Variants in TBC1D19 observed in about 807,000 individuals in gnomAD.
TBC1D19 encodes the protein TBC1 domain family member 19.
A neutral mutation model predicts 89.0 loss-of-function variants in TBC1D19; 60 were observed. The ratio of observed to expected loss-of-function variants is 0.67; its 90% CI spans 0.55 to 0.84. The LOEUF (loss-of-function observed/expected upper bound fraction) is 0.84, where lower values mean the gene tolerates loss of function less well. Ranked by LOEUF, TBC1D19 falls within the 40% of genes least tolerant of loss-of-function variation. The probability of loss-of-function intolerance (pLI) is 0.00; values close to 1 mark genes in which losing one functional copy is unlikely to be tolerated. For missense variants in TBC1D19, 500 were observed against 610.8 expected (o/e 0.82, Z 1.91); for synonymous variants, 189 against 199.7 (o/e 0.95, Z 0.45).
In TBC1D19 at chr4:26,754,827, T is replaced by C. The variant is rs376619417; in HGVS notation, c.1507-46T>C. 46 of 1,461,658 alleles carry C rather than the reference T, an allele frequency of 3.1e-5. No homozygotes were observed. The African/African-American group carries it at 5.2e-4, about 16-fold the overall frequency. The allele number at this position is 1,461,658 out of a possible 1,614,324, so 90.5% of individuals were successfully genotyped here. On this transcript the variant is annotated intron_variant, in intron 20 of 20. Transcript: ENST00000264866. ...TTGTAATTATGTTTACCTTATTTCA[T>C]AGACTTCGCTTTGCTATTAATAATT...
the TBC1D19 span, among the ~76,000 whole-genome samples, chr4:26,819,547 TG>T: frequency 6.6e-6 from 1 of 152,240 alleles, no homozygotes; most frequent in Non-Finnish European, 1.5e-5. Context: ...TCCCAGATGA[TG>T]GCAACAGCCA....
the TBC1D19 span, among the ~76,000 whole-genome samples, chr4:26,800,126 A>G: frequency 1.3e-5 from 2 of 152,106 alleles, no homozygotes; most frequent in Non-Finnish European, 2.9e-5. Context: ...ATTTAGCATT[A>G]GGTATATCTC....
chr4:26,681,391 A>G (rs1202318966), intron 11 of TBC1D19, among the ~76,000 whole-genome samples: 2 of 140,890 alleles, frequency 1.4e-5, no homozygotes, highest in Non-Finnish European at 1.5e-5. Flanking sequence ...TACAAAAAAC[A>G]AAAAAAAAAA....
the TBC1D19 span, among the ~76,000 whole-genome samples, chr4:26,844,719 T>C: frequency 6.6e-6 from 1 of 152,230 alleles, no homozygotes; most frequent in African/African-American, 2.4e-5. Flanking sequence ...TTAAATATTT[T>C]CCTGTTTTTT....
chr4:26,633,425 G>A (rs1475470165), intron 4 of TBC1D19, among the ~76,000 whole-genome samples: 2 of 152,086 alleles, frequency 1.3e-5, no homozygotes, highest in African/African-American at 4.8e-5. Flanking sequence ...TTTAAAAACA[G>A]TCCTTTACTG....
At chr4:26,839,147 A>G in the TBC1D19 span, among the ~76,000 whole-genome samples, 1 of 152,228 alleles carries the variant, frequency 6.6e-6, no homozygotes, top group Non-Finnish European at 1.5e-5. Flanking sequence ...TTTTCAGAAT[A>G]GCTCCTAAAC....
chr4:26,611,862 G>A (rs891138552), intron 1 of TBC1D19, among the ~76,000 whole-genome samples: 4 of 151,900 alleles, frequency 2.6e-5, no homozygotes, highest in Non-Finnish European at 4.4e-5. Context: ...AACATTTCCA[G>A]ACTTTGGAAA....
At chr4:26,816,024 G>A in the TBC1D19 span, among the ~76,000 whole-genome samples, 1 of 152,126 alleles carries the variant, frequency 6.6e-6, no homozygotes, top group African/African-American at 2.4e-5. Flanking sequence ...TTGTATCAAG[G>A]GTCAGGAAAC....
At chr4:26,761,955 C>T in the TBC1D19 span, among the ~76,000 whole-genome samples, 3 of 151,956 alleles carry the variant, frequency 2.0e-5, no homozygotes, top group Middle Eastern at 3.4e-3. Flanking sequence ...GGTGAAACCC[C>T]GTCTCTACTA....
the TBC1D19 span, among the ~76,000 whole-genome samples, chr4:26,807,281 T>C: frequency 6.6e-6 from 1 of 152,088 alleles, no homozygotes; most frequent in Non-Finnish European, 1.5e-5. Flanking sequence ...AACCTGAGCC[T>C]CCATAGCCGC....
chr4:26,699,873 G>A (rs1244123050), intron 13 of TBC1D19, among the ~76,000 whole-genome samples: 2 of 151,644 alleles, frequency 1.3e-5, no homozygotes, highest in African/African-American at 4.9e-5. Flanking sequence ...TGGGGTGGGG[G>A]GAAGGGGGAG....
At chr4:26,638,077 A>G (rs900653130) in intron 5 of TBC1D19, among the ~76,000 whole-genome samples, 15 of 152,096 alleles carry the variant, frequency 9.9e-5, no homozygotes, top group Non-Finnish European at 1.8e-4. Flanking sequence ...TAGATCTAAT[A>G]CTCAACATTT....
At chr4:26,746,335 A>G (rs550836632) in intron 18 of TBC1D19, among the ~76,000 whole-genome samples, 13 of 151,562 alleles carry the variant, frequency 8.6e-5, no homozygotes, top group Non-Finnish European at 1.6e-4. Flanking sequence ...AGCCTCCGAA[A>G]GCACTGGGAT....
chr4:26,576,760 AG>A (rs1212427168), exon 1 of TBC1D19: 1 of 456,262 alleles, frequency 2.2e-6, no homozygotes, highest in East Asian at 7.0e-5. Context: ...AGGGAGATGA[AG>A]AGAGGGGCCA....
chr4:26,695,449 A>G (rs1714688650), intron 13 of TBC1D19, among the ~76,000 whole-genome samples: 1 of 152,248 alleles, frequency 6.6e-6, no homozygotes, highest in Non-Finnish European at 1.5e-5. Flanking sequence ...GATATTATCC[A>G]GGAGAAATTC....
At chr4:26,674,902 C>A (rs1712655080) in intron 11 of TBC1D19, among the ~76,000 whole-genome samples, 1 of 151,714 alleles carries the variant, frequency 6.6e-6, no homozygotes, top group African/African-American at 2.4e-5. Context: ...AAAAACTATA[C>A]CTCTAACCCT....
chr4:26,776,173 T>G, the TBC1D19 span, among the ~76,000 whole-genome samples: 1 of 152,204 alleles, frequency 6.6e-6, no homozygotes, highest in Non-Finnish European at 1.5e-5. Context: ...GATCGTTAGG[T>G]CTAATCATTG....
At chr4:26,771,690 A>G in the TBC1D19 span, among the ~76,000 whole-genome samples, 1 of 152,184 alleles carries the variant, frequency 6.6e-6, no homozygotes, top group African/African-American at 2.4e-5. Context: ...TCAATAGTAT[A>G]AAGCTTCAGT....
the TBC1D19 span, among the ~76,000 whole-genome samples, chr4:26,838,270 G>C: frequency 7.2e-5 from 11 of 152,168 alleles, no homozygotes; most frequent in African/African-American, 2.7e-4. Flanking sequence ...TCACTGACTT[G>C]CAAGTTTGGA....
Sources: gnomAD v4.1 joint callset for allele counts (sites outside exome capture counted in the v4.1 genomes callset) on GRCh38, gnomAD v4.1.1 for gene constraint, MANE v1.5 for transcripts, NCBI Gene and HGNC (gene_info 2026-07-23, HGNC 2026-07-21) for gene names.